Variants in ERI1 observed in about 807,000 individuals in gnomAD.
ERI1 encodes 3'-5' exoribonuclease 1.
ERI1 carries 39 observed loss-of-function variants against 39.7 expected under a neutral mutation model. The ratio of observed to expected loss-of-function variants is 0.98; its 90% CI spans 0.76 to 1.28. ERI1 has a LOEUF of 1.28. ERI1 is among the 50% of genes most tolerant of loss of function. The probability of loss-of-function intolerance (pLI) is 0.00; values close to 1 mark genes in which losing one functional copy is unlikely to be tolerated. For synonymous variants in ERI1, 204 were observed against 149.6 expected (o/e 1.36, Z -2.65); for missense variants, 581 against 416.9 (o/e 1.39, Z -3.43).
intron 3 of ERI1, chr8:9,096,662 C>T (rs1799884646): frequency 6.6e-6 from 1 of 151,332 alleles, no homozygotes. Context: ...GATCCAAAGT[C>T]CCGTTCTATG....
intron 4 of ERI1, among the ~76,000 whole-genome samples, chr8:9,017,037 A>T (rs1033126955): frequency 6.6e-6 from 1 of 151,384 alleles, no homozygotes; most frequent in African/African-American, 2.4e-5. Context: ...TTTTGCATTT[A>T]TTTTTTATTT....
At chr8:9,004,195 G>A (rs956936221) in intron 1 of ERI1, 18 of 1,285,360 alleles carry the variant, frequency 1.4e-5, no homozygotes, top group Non-Finnish European at 1.8e-5. Context: ...CTCCTTCTAA[G>A]GTTGTTATTT....
intron 6 of ERI1, among the ~76,000 whole-genome samples, chr8:9,027,283 A>G (rs1007235989): frequency 3.3e-5 from 5 of 151,968 alleles, no homozygotes; most frequent in African/African-American, 1.2e-4. Context: ...ATTTTTAGCC[A>G]TTGGCATATC....
Position 9,018,406 on chromosome 8 carries a change from G to A in ERI1, c.692G>A (p.Gly231Asp). 6.7e-7 allele frequency: 1 copy of A among 1,482,592 alleles called. No homozygotes were observed. Among genetic ancestry groups the A allele is most frequent in the Non-Finnish European group, 9.4e-7 (1 of 1,065,840 alleles). 91.8% of individuals were successfully genotyped at this position (1,482,592 alleles called of 1,614,324 possible). A position where few individuals can be genotyped will look rare whatever the true frequency, so the allele number is the denominator to read the frequency against. ...TATAAATACTCACTTTTAACAGATG[G>A]GTAAGTATTTAGGAAGATTATTTTT... The part of the protein sequence containing the change: ...TKYKYSLLTD[G>D]SWDMSKFLNI... Residue 231 changes from glycine (G) to aspartate (D), a missense_variant and splice_region_variant, in exon 5 of 7, where the codon GGT (glycine) becomes GAT (aspartate). By Grantham distance (94) the Gly-to-Asp change is moderately conservative. Coordinates refer to ENST00000250263, the MANE Select transcript of ERI1 (RefSeq NM_153332.4).
chr8:9,075,512 T>C (rs1046512590), intron 3 of ERI1, among the ~76,000 whole-genome samples: 1 of 152,036 alleles, frequency 6.6e-6, no homozygotes, highest in African/African-American at 2.4e-5. Flanking sequence ...CAATGCTTTA[T>C]TTTCATTATG....
At chr8:9,009,568 T>C (rs1473028352) in intron 2 of ERI1, among the ~76,000 whole-genome samples, 2 of 152,000 alleles carry the variant, frequency 1.3e-5, no homozygotes, top group Non-Finnish European at 2.9e-5. Flanking sequence ...TGAGACAGAG[T>C]CTTGCTCTGT....
intron 3 of ERI1, among the ~76,000 whole-genome samples, chr8:9,085,860 G>T (rs1563096648): frequency 6.6e-6 from 1 of 152,072 alleles, no homozygotes; most frequent in East Asian, 1.9e-4. Context: ...AGAACAGCAG[G>T]TTTTTTCTAA....
At position 9,017,638 on chromosome 8, in the gene ERI1, G is replaced by T. The variant is rs572458614; in HGVS notation, c.583-659G>T. On this transcript the variant is annotated intron_variant, in intron 4 of 6. Coordinates refer to ENST00000250263, the MANE Select transcript of ERI1 (RefSeq NM_153332.4). ...AACATCCTCAAGTTGATGAACTTGG[G>T]CTGAGTCATGAAAGATAGGTAGGCA... Among the ~76,000 whole-genome samples the T allele has an allele frequency of 1.9e-3, 292 of 152,252 alleles. 2 individuals are homozygous for T. Among genetic ancestry groups the T allele is most frequent in the African/African-American group, 6.8e-3 (281 of 41,552 alleles).
intron 2 of ERI1, among the ~76,000 whole-genome samples, chr8:9,010,211 A>G (rs1369863426): frequency 2.6e-5 from 4 of 152,236 alleles, no homozygotes; most frequent in African/African-American, 9.6e-5. Flanking sequence ...GCAGGTTTCT[A>G]TCCAGAGCAA....
In ERI1 at chr8:9,058,840, G is replaced by GATAAATAAATAA. The variant is rs58770201; in HGVS notation, n.299+38395_299+38406dup. 9.4e-4 allele frequency among the ~76,000 whole-genome samples: 143 copies of GATAAATAAATAA among 151,368 alleles called. 1 individual carries two copies. The highest frequency in any genetic ancestry group is 3.4e-3 in the Middle Eastern group (1 of 292). On this transcript the variant is annotated intron_variant and non_coding_transcript_variant, in intron 3 of 3. Transcript: ENST00000518663. ...TAAATAAATAAACAGCAACTTCATT[G>GATAAATAAATAA]ATAAATAAATAAATAAATAAATAAA...
At chr8:9,068,381 A>G (rs547172557) in intron 3 of ERI1, among the ~76,000 whole-genome samples, 1 of 152,132 alleles carries the variant, frequency 6.6e-6, no homozygotes, top group Non-Finnish European at 1.5e-5. Context: ...CTGTTGCCCA[A>G]GCTGCAGTGC....
At chr8:9,044,544 A>G (rs905514960) in intron 3 of ERI1, among the ~76,000 whole-genome samples, 2 of 152,162 alleles carry the variant, frequency 1.3e-5, no homozygotes, top group Admixed American at 1.3e-4. Flanking sequence ...ATTACAATCC[A>G]TGATGTGGCC....
At chr8:9,029,730 C>G in intron 6 of ERI1, 62 bp from the exon 7 acceptor site, 1 of 1,580,286 alleles carries the variant, frequency 6.3e-7, no homozygotes. Flanking sequence ...TTCATCTTAA[C>G]TGTGGCTTAT....
rs756752181 is a variant in ERI1 at position 9,020,419 on chromosome 8, G to A, written c.762G>A (p.Ala254=). ...QLSRLKYPPF[A]KKWINIRKSY... ...GCAGGCTCAAATACCCTCCTTTTGC[G>A]AAAAAGTGGATCAATATTCGGAAGT... Residue 254 remains alanine, a synonymous_variant, in exon 6 of 7, where the codon GCG becomes GCA. Coordinates refer to ENST00000250263, the MANE Select transcript of ERI1 (RefSeq NM_153332.4). The A allele has an allele frequency of 1.5e-5, 24 of 1,606,200 alleles. No individual in the cohort carries two copies. Among genetic ancestry groups the A allele is most frequent in the African/African-American group, 1.5e-4 (11 of 74,536 alleles).
chr8:9,087,409 G>T (rs1325171978), intron 3 of ERI1, among the ~76,000 whole-genome samples: 3 of 131,974 alleles, frequency 2.3e-5, no homozygotes, highest in South Asian at 5.1e-4. Context: ...ACCATATGTG[G>T]CTATTTTTTT....
At chr8:9,057,410 G>T (rs1798543346) in intron 3 of ERI1, among the ~76,000 whole-genome samples, 1 of 152,186 alleles carries the variant, frequency 6.6e-6, no homozygotes, top group South Asian at 2.1e-4. Context: ...ACGCACTAGG[G>T]ACTGGCAACA....
chr8:9,029,701 A>G (rs1797448383), intron 6 of ERI1, 91 bp from the exon 7 acceptor site: 1 of 1,467,852 alleles, frequency 6.8e-7, no homozygotes, highest in Admixed American at 1.9e-5. Flanking sequence ...TGTTAGTGCT[A>G]ATTTTCAGTT....
chr8:9,088,208 C>A (rs1303127073), intron 3 of ERI1, among the ~76,000 whole-genome samples: 1 of 151,844 alleles, frequency 6.6e-6, no homozygotes, highest in Non-Finnish European at 1.5e-5. Context: ...ATAACACCTT[C>A]TCTTCTCTGC....
chr8:9,072,401 G>T (rs922940422), intron 3 of ERI1: 1 of 152,018 alleles, frequency 6.6e-6, no homozygotes, highest in Non-Finnish European at 1.5e-5. Flanking sequence ...CAGCATATGC[G>T]CAACCATTAC....
Sources: gnomAD v4.1 joint callset for allele counts (sites outside exome capture counted in the v4.1 genomes callset) on GRCh38, gnomAD v4.1.1 for gene constraint, MANE v1.5 for transcripts, NCBI Gene and HGNC (gene_info 2026-07-23, HGNC 2026-07-21) for gene names.